The following PCARE variants were observed in gnomAD, a reference collection of about 807,000 sequenced individuals.
PCARE encodes the protein photoreceptor cilium actin regulator, also known as uncharacterized protein C2orf71.
PCARE carries 72 observed loss-of-function variants against 82.2 expected under a neutral mutation model. The ratio of observed to expected loss-of-function variants is 0.88; its 90% CI spans 0.72 to 1.07. The LOEUF is 1.07. Among genes scored for constraint, PCARE ranks in the 50% least tolerant of loss-of-function variants. The pLI is 0.00. For synonymous variants in PCARE, 705 were observed against 634.8 expected, an observed-to-expected ratio of 1.11 and a Z score of -1.66; for missense variants, 1,768 against 1,592.4, an observed-to-expected ratio of 1.11 and a Z score of -1.88.
Position 29,064,595 on chromosome 2 carries a change from A to G in PCARE, c.*274T>C. On this transcript the variant is annotated 3_prime_UTR_variant, in exon 2 of 2. Transcript: ENST00000331664. ...ATTCTCCACCCCCCACCCCACCCCAAATTAAGGCCAGCACTTGAAGCATTA... is the reference window on the plus strand; with the variant it reads ...ATTCTCCACCCCCCACCCCACCCCAGATTAAGGCCAGCACTTGAAGCATTA... The G allele has an allele frequency of 1.8e-6, 1 of 566,626 alleles. No homozygotes were observed. The highest frequency in any genetic ancestry group is 3.2e-6 in the Non-Finnish European group (1 of 316,452). 35.1% of individuals were successfully genotyped at this position (566,626 alleles called of 1,614,324 possible).
At chr2:29,066,659 G>T (rs1667394367) in intron 1 of PCARE, among the ~76,000 whole-genome samples, 1 of 152,240 alleles carries the variant, frequency 6.6e-6, no homozygotes, top group Admixed American at 6.5e-5. Context: ...CACAGCTATG[G>T]TTGTCAGACA....
chr2:29,072,455 G>C lies in PCARE; in HGVS notation c.1807C>G (p.His603Asp). The change falls in exon 1 of 2, where the codon CAC (histidine) becomes GAC (aspartate). Residue 603 changes from histidine to aspartate, a missense_variant. Physicochemically the swap from His to Asp is moderately conservative, Grantham distance 81 (BLOSUM62 -1). Transcript: ENST00000331664. ...TCCTGAAAGGTGGGGTCCTCCACGT[G>C]ACTCTGGAGACACGACTCTGACTGG... The part of the protein sequence containing the change: ...RSQSESCLQS[H>D]VEDPTFQELR... 6.2e-7 allele frequency: 1 copy of C among 1,614,188 alleles called. No individual in the cohort carries two copies. The highest frequency in any genetic ancestry group is 8.5e-7 in the Non-Finnish European group (1 of 1,180,026).
rs1283984357 is a variant in PCARE at position 29,072,466 on chromosome 2, C to T, written c.1796G>A (p.Cys599Tyr). ...GGGGTCCTCCACGTGACTCTGGAGA[C>T]ACGACTCTGACTGGGACCTCGTCTG... ...ERQTRSQSES[C>Y]LQSHVEDPTF... The change falls in exon 1 of 2, where the codon TGT becomes TAT. Residue 599 changes from cysteine (C) to tyrosine (Y), a missense_variant. By Grantham distance (194) the Cys-to-Tyr change is radical. Coordinates refer to ENST00000331664, the MANE Select transcript of PCARE (RefSeq NM_001029883.3). 4 of 1,614,110 alleles carry T rather than the reference C, an allele frequency of 2.5e-6. No homozygotes were observed. Among genetic ancestry groups the T allele is most frequent in the African/African-American group, 2.7e-5 (2 of 74,950 alleles).
intron 1 of PCARE, among the ~76,000 whole-genome samples, chr2:29,065,669 G>A (rs1667380237): frequency 6.6e-6 from 1 of 152,218 alleles, no homozygotes; most frequent in African/African-American, 2.4e-5. Context: ...ATGGAGGGTG[G>A]CCCTGAGCAT....
intron 1 of PCARE, among the ~76,000 whole-genome samples, chr2:29,069,071 A>G (rs968508480): frequency 6.6e-6 from 1 of 152,210 alleles, no homozygotes; most frequent in Non-Finnish European, 1.5e-5. Context: ...CCCCGCGTCT[A>G]CATGAGGTGT....
At chr2:29,068,781 C>T (rs1667429061) in intron 1 of PCARE, among the ~76,000 whole-genome samples, 2 of 152,144 alleles carry the variant, frequency 1.3e-5, no homozygotes, top group African/African-American at 2.4e-5. Flanking sequence ...AGCAGCCCCA[C>T]CCCTGGATTC....
chr2:29,074,233 A>G lies in PCARE; in HGVS notation c.29T>C (p.Leu10Pro), dbSNP rs1022106349. MGCTPSHSDLVNSVAKSGIQ... is the reference protein window; with the variant it reads MGCTPSHSDPVNSVAKSGIQ... ...GCCACTCTTTGCAACGCTGTTTACAAGGTCACTGTGTGAAGGTGTACACCC... is the reference window on the plus strand; with the variant it reads ...GCCACTCTTTGCAACGCTGTTTACAGGGTCACTGTGTGAAGGTGTACACCC... The change falls in exon 1 of 2, where the codon CTT becomes CCT. Residue 10 changes from leucine to proline, a missense_variant. Transcript: ENST00000331664. The G allele has an allele frequency of 3.8e-6, 6 of 1,572,100 alleles. No homozygotes were observed. In the African/African-American group the frequency reaches 6.8e-5, roughly 18 times the overall value.
intron 1 of PCARE, among the ~76,000 whole-genome samples, chr2:29,066,279 T>G (rs1572822965): frequency 6.6e-6 from 1 of 152,120 alleles, no homozygotes; most frequent in South Asian, 2.1e-4. Context: ...AAGTGCCCCA[T>G]AGGTGGGTAG....
rs946621597 is a variant in PCARE, at chr2:29,073,747, C to T, written c.515G>A (p.Gly172Asp). The change falls in exon 1 of 2, where the codon GGC becomes GAC. Residue 172 changes from glycine to aspartate, a missense_variant. Physicochemically the swap from Gly to Asp is moderately conservative, Grantham distance 94. Transcript: ENST00000331664. The stretch of plus-strand genomic sequence containing the variant: ...CAGAGGCTCCGGGAAGTCCACTTTG[C>T]CTTCAGGCTCATGAGCAGGGTGGAT... ...QTIHPAHEPE[G>D]KVDFPEPLVK... 6.2e-7 allele frequency: 1 copy of T among 1,614,198 alleles called. No individual in the cohort carries two copies. The highest frequency in any genetic ancestry group is 1.1e-5 in the South Asian group (1 of 91,084).
At position 29,064,684 on chromosome 2, in the gene PCARE, C is replaced by G; in HGVS notation, c.*185G>C. 1 of 707,916 alleles carries G rather than the reference C, an allele frequency of 1.4e-6. No homozygotes were observed. Among genetic ancestry groups the G allele is most frequent in the Non-Finnish European group, 2.4e-6 (1 of 417,036 alleles). The allele number at this position is 707,916 out of a possible 1,614,324, so 43.9% of individuals were successfully genotyped here. ...TTTGAACCCCAAGGCAGAGCAAGAT[C>G]TGGGACTGAAAACGGCGATTGTTTA... is the stretch of plus-strand genomic sequence containing the variant. On this transcript the variant is annotated 3_prime_UTR_variant, in exon 2 of 2. Transcript: ENST00000331664.
intron 1 of PCARE, among the ~76,000 whole-genome samples, chr2:29,069,067 G>A (rs544773741): frequency 2.0e-5 from 3 of 152,236 alleles, no homozygotes; most frequent in East Asian, 1.9e-4. Flanking sequence ...AGAGCCCCGC[G>A]TCTACATGAG....
rs1667535807 is a variant in PCARE, at chr2:29,073,663, G to C, written c.599C>G (p.Ala200Gly). 1 of 1,614,226 alleles carries C rather than the reference G, an allele frequency of 6.2e-7. No homozygotes were observed. Among genetic ancestry groups the C allele is most frequent in the South Asian group, 1.1e-5 (1 of 91,080 alleles). The change falls in exon 1 of 2, where the codon GCA becomes GGA. Residue 200 changes from alanine (A) to glycine (G), a missense_variant. Transcript: ENST00000331664. ...GGCCTGATGGATGATGCACAGAATTGCTTCATATTTGGAGAGGCTGGAGTG... is the reference window on the plus strand; with the variant it reads ...GGCCTGATGGATGATGCACAGAATTCCTTCATATTTGGAGAGGCTGGAGTG... ...YLHSSLSKYE[A>G]ILCIIHQATQ...
Position 29,064,469 on chromosome 2 carries a change from C to A in PCARE, c.*400G>T. ...TCCCCACACCTTCGGTTTTCATATG[C>A]GCAAAACTGAAGAATGCTATGTGCT... On this transcript the variant is annotated 3_prime_UTR_variant, in exon 2 of 2. Transcript: ENST00000331664. The A allele has an allele frequency of 6.8e-6, 2 of 293,646 alleles. No homozygotes were observed. Among genetic ancestry groups the A allele is most frequent in the East Asian group, 7.9e-5 (1 of 12,616 alleles). The allele number at this position is 293,646 out of a possible 1,614,324, so 18.2% of individuals were successfully genotyped here. A position where few individuals can be genotyped will look rare whatever the true frequency, so the allele number is the denominator to read the frequency against.
rs746635522 is a variant in PCARE, at chr2:29,072,318, G to A, written c.1944C>T (p.Ala648=). The A allele has an allele frequency of 3.7e-6, 6 of 1,614,172 alleles. No individual in the cohort carries two copies. The highest frequency in any genetic ancestry group is 3.4e-6 in the Non-Finnish European group (4 of 1,180,034). The change falls in exon 1 of 2, where the codon GCC becomes GCT. Residue 648 remains alanine, a synonymous_variant. Coordinates refer to ENST00000331664, the MANE Select transcript of PCARE (RefSeq NM_001029883.3). Reference sequence around the variant, plus strand: ...CCCTGCAGGTGCCATTGGGCCACACGGCGGCTGCTCTGGGCTGCAGAATTT... The same window carrying A: ...CCCTGCAGGTGCCATTGGGCCACACAGCGGCTGCTCTGGGCTGCAGAATTT... ...QEQILQPRAA[A]VWPNGTCRVS... is the part of the protein sequence containing the mutation.
Position 29,070,657 on chromosome 2 carries a change from C to A in PCARE, c.3605G>T (p.Arg1202Leu). The A allele has an allele frequency of 6.2e-7, 1 of 1,614,044 alleles. No individual in the cohort carries two copies. The highest frequency in any genetic ancestry group is 8.5e-7 in the Non-Finnish European group (1 of 1,179,980). The change falls in exon 1 of 2, where the codon CGA (arginine) becomes CTA (leucine). Residue 1202 changes from arginine (R) to leucine (L), a missense_variant. Physicochemically the swap from Arg to Leu is moderately radical, Grantham distance 102 (BLOSUM62 -2). Transcript: ENST00000331664. Reference sequence around the variant, plus strand: ...GGGGTCCAAGGTGGGAGGCTGCGGTCGGCCACCTGGCTGGCGGTCAGAAGC... The same window carrying A: ...GGGGTCCAAGGTGGGAGGCTGCGGTAGGCCACCTGGCTGGCGGTCAGAAGC... ...RTASDRQPGG[R>L]PQPPTLDPTS...
chr2:29,072,868 A>G lies in PCARE; in HGVS notation c.1394T>C (p.Val465Ala). ...GGAGGTTTTGGAAAGGTGTGGTTCC[A>G]CAGAGACCCCAATCCCAAAGGAATC... ...PCDSFGIGVS[V>A]EPHLSKTSRP... is the part of the protein sequence containing the mutation. Residue 465 changes from valine (V) to alanine (A), a missense_variant, in exon 1 of 2, where the codon GTG (valine) becomes GCG (alanine). By Grantham distance (64) the Val-to-Ala change is moderately conservative. Coordinates refer to ENST00000331664, the MANE Select transcript of PCARE (RefSeq NM_001029883.3). 2 of 1,614,136 alleles carry G rather than the reference A, an allele frequency of 1.2e-6. No homozygotes were observed. Among genetic ancestry groups the G allele is most frequent in the African/African-American group, 1.3e-5 (1 of 75,020 alleles).
At chr2:29,065,948 A>G (rs1172138061) in intron 1 of PCARE, among the ~76,000 whole-genome samples, 1 of 152,172 alleles carries the variant, frequency 6.6e-6, no homozygotes, top group African/African-American at 2.4e-5. Context: ...GGAGTTTGAG[A>G]CCAGCTTGGC....
Position 29,073,716 on chromosome 2 carries a change from C to CT in PCARE, c.545dup (p.Ala183GlyfsTer17). 1 of 1,613,498 alleles carries CT rather than the reference C, an allele frequency of 6.2e-7. No homozygotes were observed. The highest frequency in any genetic ancestry group is 8.5e-7 in the Non-Finnish European group (1 of 1,179,816). ...GATAGGTGTAAGCCTGCTGGTGGGC[C>CT]TTTACCAGAGGCTCCGGGAAGTCCA... On this transcript the variant is annotated frameshift_variant, in exon 1 of 2. Coordinates refer to ENST00000331664, the MANE Select transcript of PCARE (RefSeq NM_001029883.3). LOFTEE classifies it high-confidence loss of function.
rs779792135 is a variant in PCARE at position 29,064,964 on chromosome 2, C to T, written c.3772G>A (p.Val1258Met). 3 of 1,602,542 alleles carry T rather than the reference C, an allele frequency of 1.9e-6. No homozygotes were observed. The highest frequency in any genetic ancestry group is 2.2e-5 in the South Asian group (2 of 88,992). Residue 1258 changes from valine to methionine, a missense_variant, in exon 2 of 2, where the codon GTG (valine) becomes ATG (methionine). Physicochemically the swap from Val to Met is conservative, Grantham distance 21. Coordinates refer to ENST00000331664, the MANE Select transcript of PCARE (RefSeq NM_001029883.3). ...TCCGGTTGCAGCCCGTGGCCCAGCA[C>T]ACAGAACTCTGGGGGAGATGCACGC... ...TRRASPPEFCVLGHGLQPEPR... is the reference protein window; with the variant it reads ...TRRASPPEFCMLGHGLQPEPR...
Sources: gnomAD v4.1 joint callset for allele counts (sites outside exome capture counted in the v4.1 genomes callset) on GRCh38, gnomAD v4.1.1 for gene constraint, MANE v1.5 for transcripts, NCBI Gene and HGNC (gene_info 2026-07-23, HGNC 2026-07-21) for gene names.